Variants in ARHGEF17 observed in about 807,000 individuals in gnomAD.
ARHGEF17 encodes 164 kDa Rho-specific guanine-nucleotide exchange factor.
ARHGEF17 carries 80 observed loss-of-function variants against 174.0 expected under a neutral mutation model. That is an observed-to-expected ratio of 0.46 (90% confidence interval 0.38 to 0.55). ARHGEF17 has a LOEUF of 0.55. ARHGEF17 is among the 20% of genes least tolerant of loss of function. The pLI is 0.00. For missense variants in ARHGEF17, 2,886 were observed against 2,839.7 expected, an observed-to-expected ratio of 1.02 and a Z score of -0.37; for synonymous variants, 1,311 against 1,189.1, an observed-to-expected ratio of 1.10 and a Z score of -2.11.
chr11:73,309,490 G>A lies in ARHGEF17; in HGVS notation c.852G>A (p.Glu284=), dbSNP rs938085864. 7 of 1,548,614 alleles carry A rather than the reference G, an allele frequency of 4.5e-6. No homozygotes were observed. The highest frequency in any genetic ancestry group is 1.4e-5 in the African/African-American group (1 of 72,632). ...GCAGTGACGACGACCGAGACGGTGAGGGCGGCCACCGCTGGGGAGGGAGGC... is the reference window on the plus strand; with the variant it reads ...GCAGTGACGACGACCGAGACGGTGAAGGCGGCCACCGCTGGGGAGGGAGGC... The part of the protein sequence containing the change: ...SSGSDDDRDG[E]GGHRWGGRPG... Residue 284 remains glutamate (E), a synonymous_variant, in exon 1 of 21, where the codon GAG becomes GAA. Coordinates refer to ENST00000263674, the MANE Select transcript of ARHGEF17 (RefSeq NM_014786.4).
intron 1 of ARHGEF17, among the ~76,000 whole-genome samples, chr11:73,346,070 G>A (rs1200657585): frequency 2.6e-5 from 4 of 152,206 alleles, no homozygotes; most frequent in African/African-American, 7.2e-5. Flanking sequence ...CTGTGCCTGG[G>A]GGTGTGGGTG....
At chr11:73,361,249 G>A (rs1467175295) in intron 12 of ARHGEF17, 88 bp downstream of exon 12, 35 of 1,222,172 alleles carry the variant, frequency 2.9e-5, no homozygotes, top group Middle Eastern at 1.9e-4. Flanking sequence ...TGTATATGCC[G>A]TGAACATTGC....
At chr11:73,355,511 C>T (rs1853893490) in intron 3 of ARHGEF17, 22 bp from the exon 4 acceptor site, 2 of 1,586,358 alleles carry the variant, frequency 1.3e-6, no homozygotes, top group African/African-American at 1.3e-5. Context: ...TGAGGGTCCC[C>T]AACCTGCCTC....
At chr11:73,360,273 C>T (rs1356379034) in intron 10 of ARHGEF17, 47 bp from the exon 11 acceptor site, 1 of 1,603,216 alleles carries the variant, frequency 6.2e-7, no homozygotes, top group Non-Finnish European at 8.5e-7. Flanking sequence ...CAGGTGCAGG[C>T]TCTGGTGAGA....
chr11:73,330,118 C>T (rs1865182046), intron 1 of ARHGEF17, among the ~76,000 whole-genome samples: 1 of 152,102 alleles, frequency 6.6e-6, no homozygotes, highest in South Asian at 2.1e-4. Context: ...GGGTTGTTGG[C>T]CTTTTGTTTT....
At chr11:73,339,399 T>C (rs1036985460) in intron 1 of ARHGEF17, among the ~76,000 whole-genome samples, 3 of 152,250 alleles carry the variant, frequency 2.0e-5, no homozygotes, top group Admixed American at 2.0e-4. Flanking sequence ...TCCATTAATT[T>C]ATTATTTATT....
chr11:73,353,025 G>A lies in ARHGEF17; in HGVS notation c.3453+13G>A, dbSNP rs770489321. The A allele has an allele frequency of 2.6e-5, 42 of 1,612,444 alleles. No homozygotes were observed. The Middle Eastern group carries it at 5.1e-4, about 20-fold the overall frequency. On this transcript the variant is annotated intron_variant, in intron 3 of 20. Transcript: ENST00000263674. ...GCTCGTCCAGTCGGTGAGTGGCCCC[G>A]CTGCTGCCAATTCCCACAAGCACAG... is the stretch of plus-strand genomic sequence containing the variant.
rs572468104 is a variant in ARHGEF17, at chr11:73,325,550, A to T, written c.3192+13720A>T. 5.4e-3 allele frequency among the ~76,000 whole-genome samples: 810 copies of T among 149,742 alleles called. 7 individuals are homozygous for T. The highest frequency in any genetic ancestry group is 0.019 in the African/African-American group (779 of 40,880). On this transcript the variant is annotated intron_variant, in intron 1 of 20. Coordinates refer to ENST00000263674, the MANE Select transcript of ARHGEF17 (RefSeq NM_014786.4). ...TCGCATATAGGCATTGTACACACAC[A>T]CTCTCTCTCTCTCTCTCACTTTCTC...
intron 1 of ARHGEF17, among the ~76,000 whole-genome samples, chr11:73,341,853 G>A (rs1037862462): frequency 2.6e-5 from 4 of 152,224 alleles, no homozygotes; most frequent in Non-Finnish European, 4.4e-5. Flanking sequence ...TCAGCTGGGG[G>A]CTTGGTGAGC....
chr11:73,310,362 G>A lies in ARHGEF17; in HGVS notation c.1724G>A (p.Gly575Asp). 1 of 1,613,854 alleles carries A rather than the reference G, an allele frequency of 6.2e-7. No homozygotes were observed. The highest frequency in any genetic ancestry group is 1.1e-5 in the South Asian group (1 of 91,092). ...AGCTCCTCCGAGCTCCTGCTCACAG[G>A]CCCTGGTGCCGAGGAGGATCCGCTG... ...KSSSSELLLT[G>D]PGAEEDPLPL... The change falls in exon 1 of 21, where the codon GGC (glycine) becomes GAC (aspartate). Residue 575 changes from glycine to aspartate, a missense_variant. Coordinates refer to ENST00000263674, the MANE Select transcript of ARHGEF17 (RefSeq NM_014786.4).
rs1865828250 is a variant in ARHGEF17 at position 73,365,819 on chromosome 11, C to T, written c.5867C>T (p.Pro1956Leu). 11 of 1,613,460 alleles carry T rather than the reference C, an allele frequency of 6.8e-6. No homozygotes were observed. Among genetic ancestry groups the T allele is most frequent in the Non-Finnish European group, 9.3e-6 (11 of 1,180,044 alleles). ...ACTTCGCCCGGTACTGTCAGCTGCC[C>T]ACGGGCACCACTCAGTCCCACAGGC... ...MPTSPGTVSC[P>L]RAPLSPTGLG... is the part of the protein sequence containing the mutation. The change falls in exon 20 of 21, where the codon CCA (proline) becomes CTA (leucine). Residue 1956 changes from proline to leucine, a missense_variant. Physicochemically the swap from Pro to Leu is moderately conservative, Grantham distance 98. This residue lies in a region of ARHGEF17 where 329 missense variants were observed against 435.2 expected (regional missense o/e 0.76). Coordinates refer to ENST00000263674, the MANE Select transcript of ARHGEF17 (RefSeq NM_014786.4). This position sits in a 1 kb window ranked among gnomAD's most constrained non-coding sequence, Gnocchi z 4.9.
intron 1 of ARHGEF17, among the ~76,000 whole-genome samples, chr11:73,321,915 C>T (rs963371927): frequency 5.3e-5 from 8 of 152,142 alleles, no homozygotes; most frequent in Non-Finnish European, 1.0e-4. Context: ...GTGTCTGTTT[C>T]CTGTTTATTG....
chr11:73,354,574 C>T (rs987898145), intron 3 of ARHGEF17, among the ~76,000 whole-genome samples: 8 of 152,110 alleles, frequency 5.3e-5, no homozygotes, highest in African/African-American at 1.9e-4. Context: ...ATTAGGTGGG[C>T]GTGGTGGCAT....
chr11:73,343,520 G>A (rs945939541), intron 1 of ARHGEF17, among the ~76,000 whole-genome samples: 2 of 152,166 alleles, frequency 1.3e-5, no homozygotes, highest in African/African-American at 2.4e-5. Flanking sequence ...TAGAAGCTGA[G>A]GCTGTCGCCA....
intron 12 of ARHGEF17, 104 bp from the exon 13 acceptor site, chr11:73,361,934 CCA>C: frequency 7.7e-7 from 1 of 1,303,558 alleles, no homozygotes; most frequent in Non-Finnish European, 1.1e-6. Context: ...ACACACACAC[CCA>C]TGCAGGCCTG....
In ARHGEF17 at chr11:73,311,087, A is replaced by C; in HGVS notation, c.2449A>C (p.Arg817=). The C allele has an allele frequency of 6.2e-7, 1 of 1,609,166 alleles. No homozygotes were observed. The highest frequency in any genetic ancestry group is 8.5e-7 in the Non-Finnish European group (1 of 1,176,024). Residue 817 remains arginine, a synonymous_variant, in exon 1 of 21, where the codon AGG becomes CGG. Coordinates refer to ENST00000263674, the MANE Select transcript of ARHGEF17 (RefSeq NM_014786.4). ...PGTLGRVVDD[R]IAGKAPKKKS... ...CACCCTGGGGCGTGTGGTGGACGAC[A>C]GGATTGCTGGCAAAGCCCCCAAGAA...
chr11:73,308,893 C>T lies in ARHGEF17; in HGVS notation c.255C>T (p.Leu85=). The T allele has an allele frequency of 2.9e-6, 4 of 1,365,122 alleles. No homozygotes were observed. The highest frequency in any genetic ancestry group is 3.8e-6 in the Non-Finnish European group (4 of 1,065,558). The allele number at this position is 1,365,122 out of a possible 1,614,324, so 84.6% of individuals were successfully genotyped here. A position where few individuals can be genotyped will look rare whatever the true frequency, so the allele number is the denominator to read the frequency against. The change falls in exon 1 of 21, where the codon CTC becomes CTT. Residue 85 remains leucine, a synonymous_variant. Coordinates refer to ENST00000263674, the MANE Select transcript of ARHGEF17 (RefSeq NM_014786.4). ...GCCTCTCGCCGTCGGTTCGCCAGCT[C>T]TCCCGGCGCTTCGACGCGCCGCGTC... ...LRSLSPSVRQ[L]SRRFDAPRLD... is the part of the protein sequence containing the mutation.
At chr11:73,366,322 T>C (rs947797070) in intron 20 of ARHGEF17, among the ~76,000 whole-genome samples, 2 of 152,218 alleles carry the variant, frequency 1.3e-5, no homozygotes, top group African/African-American at 2.4e-5. Flanking sequence ...AGAAATGATA[T>C]ATAGGGCAGG....
At chr11:73,318,830 T>C (rs762220442) in intron 1 of ARHGEF17, among the ~76,000 whole-genome samples, 1 of 152,132 alleles carries the variant, frequency 6.6e-6, no homozygotes, top group Non-Finnish European at 1.5e-5. Flanking sequence ...ATCTAGTGGT[T>C]GAAAACAACA....
Sources: allele counts gnomAD v4.1 joint callset (sites outside exome capture counted in the v4.1 genomes callset), GRCh38; gene constraint gnomAD v4.1.1; regional missense constraint gnomAD v4.1.1; non-coding constraint Gnocchi (gnomAD v3.1); transcripts MANE v1.5; gene names NCBI Gene and HGNC (gene_info 2026-07-23, HGNC 2026-07-21).